SH3BGR: variants seen among roughly 807,000 people sequenced by gnomAD.
SH3BGR encodes SH3 domain binding glutamate rich protein, also known as SH3 domain-binding glutamic acid-rich protein.
In SH3BGR, 29 loss-of-function variants were observed where a neutral mutation model predicts 24.5. The observed-to-expected ratio is 1.18, with a 90% confidence interval of 0.88 to 1.61. The LOEUF (loss-of-function observed/expected upper bound fraction) is 1.61. Ranked by LOEUF, SH3BGR falls within the 40% of genes most tolerant of loss-of-function variation. The pLI, the probability that SH3BGR is intolerant of heterozygous loss-of-function variation, is 0.00. For synonymous variants in SH3BGR, 55 were observed against 65.7 expected (o/e 0.84, Z 0.79); for missense variants, 162 against 205.8 (o/e 0.79, Z 1.30).
chr21:39,502,715 G>A lies in SH3BGR; in HGVS notation c.405+2800G>A, dbSNP rs531912064. 2.6e-3 allele frequency among the ~76,000 whole-genome samples: 393 copies of A among 152,344 alleles called. 2 individuals are homozygous for A. Among genetic ancestry groups the A allele is most frequent in the African/African-American group, 9.2e-3 (384 of 41,572 alleles). ...CGTTAGTGGTGACTGGGCAGGGATT[G>A]GGTGCTGGTTGTCTGTGGTGGTGTT... On this transcript the variant is annotated intron_variant, in intron 4 of 6. Transcript: ENST00000333634.
chr21:39,483,602 C>T (rs778497619), intron 3 of SH3BGR, among the ~76,000 whole-genome samples: 1 of 152,132 alleles, frequency 6.6e-6, no homozygotes, highest in Non-Finnish European at 1.5e-5. Flanking sequence ...AATTTGGGGG[C>T]AAGATTTTTA....
At chr21:39,473,015 T>C (rs1172911749) in intron 2 of SH3BGR, among the ~76,000 whole-genome samples, 1 of 152,144 alleles carries the variant, frequency 6.6e-6, no homozygotes, top group Admixed American at 6.5e-5. Context: ...TTTTTTTTTC[T>C]TAATTGGGTT....
intron 3 of SH3BGR, chr21:39,488,704 A>G (rs947467193): frequency 2.0e-5 from 9 of 451,890 alleles, no homozygotes; most frequent in African/African-American, 8.0e-5. Flanking sequence ...GGGTGGGAAG[A>G]TGACAGAGGC....
chr21:39,499,280 A>ATCTATCTG (rs2078451973), intron 3 of SH3BGR, among the ~76,000 whole-genome samples: 1 of 145,310 alleles, frequency 6.9e-6, no homozygotes, highest in African/African-American at 2.8e-5. Context: ...CTATCTATCT[A>ATCTATCTG]TGTCTGTCTG....
rs994018778 is a variant in SH3BGR at position 39,511,186 on chromosome 21, G to A, written c.436-494G>A. Among the ~76,000 whole-genome samples, 104 of 151,234 alleles carry A rather than the reference G, an allele frequency of 6.9e-4. 1 individual carries two copies. The highest frequency in any genetic ancestry group is 2.4e-3 in the African/African-American group (97 of 41,202). On this transcript the variant is annotated intron_variant, in intron 5 of 6. Coordinates refer to ENST00000333634, the MANE Select transcript of SH3BGR (RefSeq NM_007341.3). This position sits in a 1 kb window ranked among gnomAD's most constrained non-coding sequence, Gnocchi z 4.2. ...TATTTGTGTGTGGTGTATATGGTGT[G>A]TGGTGTGTTTGGTGTGTGTGTGTGT...
intron 4 of SH3BGR, among the ~76,000 whole-genome samples, chr21:39,503,307 A>G (rs143535240): frequency 4.6e-5 from 7 of 152,310 alleles, no homozygotes; most frequent in Admixed American, 3.3e-4. Context: ...CCTTCACCCA[A>G]CTTCCCCAAA....
Position 39,509,034 on chromosome 21 carries a change from T to G in SH3BGR, c.435+7T>G, listed in dbSNP as rs1376018828. On this transcript the variant is annotated splice_region_variant and intron_variant, in intron 5 of 6. Coordinates refer to ENST00000333634, the MANE Select transcript of SH3BGR (RefSeq NM_007341.3). ...AGAGACAGCCACAGAAGAGGTACGG[T>G]CGACCATCTTTAACAGCTGTGCTTA... 1 of 1,607,696 alleles carries G rather than the reference T, an allele frequency of 6.2e-7. No homozygotes were observed. Among genetic ancestry groups the G allele is most frequent in the East Asian group, 2.2e-5 (1 of 44,736 alleles).
chr21:39,477,480 C>G (rs1349482690), intron 3 of SH3BGR, among the ~76,000 whole-genome samples: 1 of 152,066 alleles, frequency 6.6e-6, no homozygotes, highest in Non-Finnish European at 1.5e-5. Flanking sequence ...TGGGGTTGCT[C>G]ATTATTTTTA....
At chr21:39,503,501 C>T (rs1450171170) in intron 4 of SH3BGR, among the ~76,000 whole-genome samples, 1 of 152,126 alleles carries the variant, frequency 6.6e-6, no homozygotes, top group Non-Finnish European at 1.5e-5. Flanking sequence ...AACCTCTCTC[C>T]AGCACCTGGC....
chr21:39,490,330 A>G lies in SH3BGR; in HGVS notation c.313-9493A>G, dbSNP rs190986693. On this transcript the variant is annotated intron_variant, in intron 3 of 6. Transcript: ENST00000333634. ...TACAGCAGAAGCATTTGAACTAACTATATCAGTTGTTCTAATAAATTTGAA... is the reference window on the plus strand; with the variant it reads ...TACAGCAGAAGCATTTGAACTAACTGTATCAGTTGTTCTAATAAATTTGAA... Among the ~76,000 whole-genome samples, 332 of 152,346 alleles carry G rather than the reference A, an allele frequency of 2.2e-3. 1 individual carries two copies. Among genetic ancestry groups the G allele is most frequent in the African/African-American group, 7.8e-3 (325 of 41,586 alleles).
chr21:39,449,481 T>C (rs917844922), upstream of SH3BGR, among the ~76,000 whole-genome samples: 16 of 152,222 alleles, frequency 1.1e-4, no homozygotes, highest in African/African-American at 3.9e-4. Flanking sequence ...CAGGGGTTCA[T>C]TGAGCTTTAT....
At chr21:39,475,806 G>A (rs2078018581) in intron 3 of SH3BGR, among the ~76,000 whole-genome samples, 1 of 152,176 alleles carries the variant, frequency 6.6e-6, no homozygotes, top group Admixed American at 6.5e-5. Flanking sequence ...TTGTGTGCAT[G>A]TTTAATTCAT....
At chr21:39,502,207 T>C (rs1602164211) in intron 4 of SH3BGR, among the ~76,000 whole-genome samples, 2 of 152,144 alleles carry the variant, frequency 1.3e-5, no homozygotes, top group African/African-American at 4.8e-5. Flanking sequence ...CATTGTGGGC[T>C]ATTTGTAAAG....
intron 3 of SH3BGR, among the ~76,000 whole-genome samples, chr21:39,486,253 A>C (rs2078211213): frequency 6.6e-6 from 1 of 152,246 alleles, no homozygotes; most frequent in Non-Finnish European, 1.5e-5. Context: ...TCATAACAAG[A>C]ATAATATATT....
intron 3 of SH3BGR, among the ~76,000 whole-genome samples, chr21:39,481,995 G>C (rs1468675515): frequency 6.6e-6 from 1 of 152,024 alleles, no homozygotes; most frequent in African/African-American, 2.4e-5. Flanking sequence ...ATAATAAAGA[G>C]ATCTATTGGT....
intron 3 of SH3BGR, among the ~76,000 whole-genome samples, chr21:39,485,077 C>T (rs1047126749): frequency 3.3e-5 from 5 of 152,142 alleles, no homozygotes; most frequent in African/African-American, 1.2e-4. Context: ...AGGACCAGAC[C>T]AGTTTTCCCA....
intron 3 of SH3BGR, among the ~76,000 whole-genome samples, chr21:39,487,113 G>GTC (rs1659001657): frequency 1.3e-5 from 2 of 152,012 alleles, no homozygotes; most frequent in South Asian, 4.2e-4. Context: ...GCCCTTAATT[G>GTC]ACAGAGATAT....
chr21:39,510,909 C>CTATATA (rs61692072), intron 5 of SH3BGR, among the ~76,000 whole-genome samples: 9,843 of 65,496 alleles, frequency 0.15, 1,413 homozygotes, highest in East Asian at 0.3. Flanking sequence ...ATTCTTCTAA[C>CTATATA]TATATATATA....
At chr21:39,468,353 A>G (rs1467448943) in intron 2 of SH3BGR, among the ~76,000 whole-genome samples, 1 of 152,236 alleles carries the variant, frequency 6.6e-6, no homozygotes, top group Non-Finnish European at 1.5e-5. Context: ...TGCACTATCC[A>G]GTTTAAGAAG....
Sources: gnomAD v4.1 joint callset for allele counts (sites outside exome capture counted in the v4.1 genomes callset) on GRCh38, gnomAD v4.1.1 for gene constraint, Gnocchi (gnomAD v3.1) non-coding constraint, MANE v1.5 for transcripts, NCBI Gene and HGNC (gene_info 2026-07-23, HGNC 2026-07-21) for gene names.